STXBP5L: variants seen among roughly 807,000 people sequenced by gnomAD.
STXBP5L encodes the protein syntaxin binding protein 5L, also known as syntaxin-binding protein 5-like.
Under a neutral mutation model 144.5 loss-of-function variants are expected in STXBP5L, and 65 were observed. The ratio of observed to expected loss-of-function variants is 0.45; its 90% CI spans 0.37 to 0.55. The LOEUF (loss-of-function observed/expected upper bound fraction) is 0.55, where lower values mean the gene tolerates loss of function less well. Among genes scored for constraint, STXBP5L ranks in the 20% least tolerant of loss-of-function variants. The pLI is 0.00. For missense variants in STXBP5L, 1,298 were observed against 1,405.5 expected (o/e 0.92, Z 1.22); for synonymous variants, 505 against 469.6 (o/e 1.08, Z -0.97).
intron 20 of STXBP5L, among the ~76,000 whole-genome samples, chr3:121,350,367 C>T (rs189635631): frequency 6.6e-6 from 1 of 152,236 alleles, no homozygotes; most frequent in Admixed American, 6.5e-5. Context: ...GGTAACCCGA[C>T]CTTTGTCTCT....
intron 2 of STXBP5L, among the ~76,000 whole-genome samples, chr3:120,913,858 A>G (rs908046403): frequency 6.6e-6 from 1 of 152,068 alleles, no homozygotes; most frequent in Admixed American, 6.5e-5. Flanking sequence ...GCAGTCAAAT[A>G]TTTGTTGAGC....
chr3:121,390,132 A>G (rs1162337443), intron 22 of STXBP5L, among the ~76,000 whole-genome samples: 1 of 152,198 alleles, frequency 6.6e-6, no homozygotes, highest in Non-Finnish European at 1.5e-5. Flanking sequence ...TCCCTTTACC[A>G]TTATGTAATG....
chr3:121,413,427 C>T, intron 24 of STXBP5L, 104 bp downstream of exon 24: 2 of 961,830 alleles, frequency 2.1e-6, no homozygotes, highest in South Asian at 2.5e-5. Flanking sequence ...ATAATTATGC[C>T]CTTCCAATAA....
chr3:121,052,445 G>A (rs529060790), intron 5 of STXBP5L, among the ~76,000 whole-genome samples: 7 of 152,194 alleles, frequency 4.6e-5, no homozygotes, highest in South Asian at 4.2e-4. Context: ...TTCAATATAC[G>A]CAAATCAATA....
chr3:121,014,704 A>G (rs1467894632), intron 3 of STXBP5L, among the ~76,000 whole-genome samples: 1 of 152,028 alleles, frequency 6.6e-6, no homozygotes. Context: ...CACCAGCAAT[A>G]TGTCACTGTT....
At chr3:120,929,703 TA>T (rs1445329258) in intron 2 of STXBP5L, among the ~76,000 whole-genome samples, 1 of 152,132 alleles carries the variant, frequency 6.6e-6, no homozygotes, top group African/African-American at 2.4e-5. Flanking sequence ...AATTACTTTC[TA>T]AAAGGGTTCA....
intron 20 of STXBP5L, among the ~76,000 whole-genome samples, chr3:121,361,749 C>G (rs778632044): frequency 2.0e-5 from 3 of 151,814 alleles, no homozygotes; most frequent in African/African-American, 2.4e-5. Flanking sequence ...TTTGAGTTCT[C>G]TATATGAAAG....
intron 9 of STXBP5L, among the ~76,000 whole-genome samples, chr3:121,172,650 A>T (rs932869991): frequency 6.6e-6 from 1 of 152,250 alleles, no homozygotes; most frequent in African/African-American, 2.4e-5. Context: ...CAGGCCAGTT[A>T]GAATGGCAAT....
rs1202016032 is a variant in STXBP5L, at chr3:121,133,519, G to C, written c.669+11815G>C. Reference sequence around the variant, plus strand: ...AAAAAAATACTGTCCATCAAGAATAGTATATTCAACGAAACTGTCCTTCAA... The same window carrying C: ...AAAAAAATACTGTCCATCAAGAATACTATATTCAACGAAACTGTCCTTCAA... On this transcript the variant is annotated intron_variant, in intron 7 of 26. Transcript: ENST00000471454. 3.9e-5 allele frequency among the ~76,000 whole-genome samples: 6 copies of C among 152,074 alleles called. No individual in the cohort carries two copies. The East Asian group carries it at 1.2e-3, about 29-fold the overall frequency.
At chr3:121,170,927 A>T (rs764014965) in intron 9 of STXBP5L, among the ~76,000 whole-genome samples, 11 of 152,250 alleles carry the variant, frequency 7.2e-5, no homozygotes, top group Non-Finnish European at 1.2e-4. Context: ...ATGAACATCA[A>T]TGCAAAAATC....
intron 19 of STXBP5L, among the ~76,000 whole-genome samples, chr3:121,316,973 G>A (rs1368467571): frequency 6.6e-6 from 1 of 152,114 alleles, no homozygotes; most frequent in Non-Finnish European, 1.5e-5. Context: ...CACTTTCAAG[G>A]AGTGCCTAGA....
At chr3:120,951,020 T>C (rs1711183066) in intron 2 of STXBP5L, among the ~76,000 whole-genome samples, 1 of 152,078 alleles carries the variant, frequency 6.6e-6, no homozygotes, top group African/African-American at 2.4e-5. Context: ...CTATCTGATC[T>C]TTGACAAACC....
chr3:121,110,386 A>G (rs556706006), intron 5 of STXBP5L, among the ~76,000 whole-genome samples: 2 of 152,232 alleles, frequency 1.3e-5, no homozygotes, highest in South Asian at 2.1e-4. Flanking sequence ...TTTCATATTT[A>G]GTGCTTCCTT....
intron 3 of STXBP5L, among the ~76,000 whole-genome samples, chr3:121,037,248 T>C (rs991178698): frequency 2.0e-5 from 3 of 151,274 alleles, no homozygotes; most frequent in Non-Finnish European, 4.4e-5. Flanking sequence ...TTTTTCTGTC[T>C]TTTTCTTTTC....
At chr3:120,981,824 T>C (rs1175909748) in intron 3 of STXBP5L, among the ~76,000 whole-genome samples, 1 of 152,208 alleles carries the variant, frequency 6.6e-6, no homozygotes, top group Admixed American at 6.5e-5. Context: ...TTGAGTTTAG[T>C]TTTGTTTTGA....
At chr3:121,037,325 A>G (rs747879879) in intron 3 of STXBP5L, among the ~76,000 whole-genome samples, 10 of 150,592 alleles carry the variant, frequency 6.6e-5, no homozygotes, top group East Asian at 3.9e-4. Flanking sequence ...ATAGCTCACT[A>G]TAACCTTAAA....
At chr3:120,986,694 A>G (rs1942317842) in intron 3 of STXBP5L, among the ~76,000 whole-genome samples, 1 of 151,984 alleles carries the variant, frequency 6.6e-6, no homozygotes. Flanking sequence ...AACTAAAGGA[A>G]GATATGGAGA....
chr3:121,377,842 A>G (rs560390029), intron 20 of STXBP5L, among the ~76,000 whole-genome samples: 2 of 152,346 alleles, frequency 1.3e-5, no homozygotes, highest in Admixed American at 1.3e-4. Context: ...AGGATTATAA[A>G]TCTTTCTACT....
At chr3:121,219,377 A>G (rs762438397) in intron 10 of STXBP5L, among the ~76,000 whole-genome samples, 1 of 152,140 alleles carries the variant, frequency 6.6e-6, no homozygotes, top group Non-Finnish European at 1.5e-5. Context: ...GAGCTCTACC[A>G]TATAAGCTGC....
Sources: allele counts gnomAD v4.1 joint callset (sites outside exome capture counted in the v4.1 genomes callset), GRCh38; gene constraint gnomAD v4.1.1; transcripts MANE v1.5; gene names NCBI Gene and HGNC (gene_info 2026-07-23, HGNC 2026-07-21).